NQO2: variants seen among roughly 807,000 people sequenced by gnomAD.
NQO2 encodes ribosyldihydronicotinamide dehydrogenase [quinone].
A neutral mutation model predicts 22.0 loss-of-function variants in NQO2; 18 were observed. The ratio of observed to expected loss-of-function variants is 0.82; its 90% CI spans 0.56 to 1.21. The LOEUF (loss-of-function observed/expected upper bound fraction) is 1.21, where lower values mean the gene tolerates loss of function less well. NQO2 is among the 50% of genes most tolerant of loss of function. The probability of loss-of-function intolerance (pLI) is 0.00; values close to 1 mark genes in which losing one functional copy is unlikely to be tolerated. For missense variants in NQO2, 267 were observed against 286.9 expected, an observed-to-expected ratio of 0.93 and a Z score of 0.50; for synonymous variants, 106 against 110.8, an observed-to-expected ratio of 0.96 and a Z score of 0.28.
intron 4 of NQO2, 111 bp downstream of exon 4, chr6:3,012,785 A>G: frequency 9.2e-7 from 1 of 1,092,352 alleles, no homozygotes; most frequent in Non-Finnish European, 1.3e-6. Flanking sequence ...TTTTGAGCAC[A>G]GTTGCACACT....
At chr6:3,016,715 T>C (rs1412328726) in intron 5 of NQO2, 169 bp from the exon 6 acceptor site, 1 of 979,328 alleles carries the variant, frequency 1.0e-6, no homozygotes, top group Non-Finnish European at 1.2e-6. Flanking sequence ...CCTCCTCCTC[T>C]TGGGATGTCA....
chr6:3,005,579 T>G, intron 1 of NQO2: 3 of 902,760 alleles, frequency 3.3e-6, no homozygotes, highest in Non-Finnish European at 4.0e-6. Context: ...CATTTTTGCA[T>G]TGAGTTGTTT....
At chr6:3,003,204 C>T (rs1203543149) in intron 1 of NQO2, among the ~76,000 whole-genome samples, 3 of 152,016 alleles carry the variant, frequency 2.0e-5, no homozygotes, top group Admixed American at 6.6e-5. Flanking sequence ...TTTCCAGACC[C>T]GCCATTTTGG....
intron 5 of NQO2, among the ~76,000 whole-genome samples, chr6:3,016,191 G>A (rs1235964227): frequency 2.0e-5 from 3 of 152,178 alleles, no homozygotes; most frequent in African/African-American, 7.2e-5. Flanking sequence ...AGCAATTTGG[G>A]AGGCCGAGGA....
In NQO2 at chr6:3,014,406, C is replaced by A. The variant is rs551931621; in HGVS notation, c.304-1124C>A. On this transcript the variant is annotated intron_variant, in intron 4 of 6. Transcript: ENST00000380455. ...CCGTCTTAATACCATGCCAGTATGA[C>A]GGGCCTGTATCCTGGGGTGCGTGGT... Among the ~76,000 whole-genome samples, 5 of 152,278 alleles carry A rather than the reference C, an allele frequency of 3.3e-5. No individual in the cohort carries two copies. In the East Asian group the frequency reaches 7.7e-4, roughly 24 times the overall value.
chr6:3,012,858 A>G (rs528806404), intron 4 of NQO2, among the ~76,000 whole-genome samples, 184 bp downstream of exon 4: 1 of 149,804 alleles, frequency 6.7e-6, no homozygotes, highest in African/African-American at 2.5e-5. Flanking sequence ...TAGTTACACC[A>G]CTTCACCTAG....
At chr6:3,008,346 G>T (rs1236329735) in intron 2 of NQO2, among the ~76,000 whole-genome samples, 6 of 151,806 alleles carry the variant, frequency 4.0e-5, no homozygotes, top group African/African-American at 1.5e-4. Flanking sequence ...TTGAACCCGG[G>T]AGGCAGAGGT....
At chr6:3,008,326 G>A (rs1581324202) in intron 2 of NQO2, among the ~76,000 whole-genome samples, 1 of 152,020 alleles carries the variant, frequency 6.6e-6, no homozygotes, top group African/African-American at 2.4e-5. Context: ...GGCTGAGGTA[G>A]GAGAATTGCT....
At chr6:3,019,448 A>G (rs1581339785) in intron 6 of NQO2, 31 bp from the exon 7 acceptor site, 1 of 1,593,370 alleles carries the variant, frequency 6.3e-7, no homozygotes, top group African/African-American at 1.3e-5. Context: ...TGTAGTTTCT[A>G]ATGAGTTCTT....
intron 4 of NQO2, among the ~76,000 whole-genome samples, chr6:3,012,972 T>TTTTTTTTTTTTTTTTG: frequency 7.7e-6 from 1 of 129,390 alleles, no homozygotes; most frequent in African/African-American, 3.0e-5. Context: ...TTTTTTTTTT[T>TTTTTTTTTTTTTTTTG]TGAGACGGAG....
intron 5 of NQO2, among the ~76,000 whole-genome samples, chr6:3,016,377 G>A (rs57050230): frequency 0.056 from 8,073 of 142,934 alleles, 342 homozygotes; most frequent in African/African-American, 0.12. Context: ...GTTGCAGTGA[G>A]CCAAAATCGC....
rs1010392123 is a variant in NQO2, at chr6:3,006,247, G to T, written c.-85-221G>T. The stretch of plus-strand genomic sequence containing the variant: ...TGCTGTATGACTGTCTGGATGGAAG[G>T]TTCAGAGTCCTCTCAAAAAAGGAAA... On this transcript the variant is annotated intron_variant, in intron 1 of 6. Transcript: ENST00000380455. The surrounding 1 kb of genome is among the most constrained non-coding windows in gnomAD (Gnocchi z 4.0). The T allele has an allele frequency of 1.3e-6, 1 of 796,018 alleles. No homozygotes were observed. The highest frequency in any genetic ancestry group is 1.9e-5 in the African/African-American group (1 of 53,370). The allele number at this position is 796,018 out of a possible 1,614,324, so 49.3% of individuals were successfully genotyped here. A position where few individuals can be genotyped will look rare whatever the true frequency, so the allele number is the denominator to read the frequency against.
Position 3,015,662 on chromosome 6 carries a change from G to C in NQO2, c.417+19G>C. On this transcript the variant is annotated intron_variant, in intron 5 of 6. Coordinates refer to ENST00000380455, the MANE Select transcript of NQO2 (RefSeq NM_000904.6). ...GCTCCAGGTATGTGCTCTTGGATAA[G>C]GATCACTATGGATAGTTGGAGGGAG... The C allele has an allele frequency of 6.2e-7, 1 of 1,608,764 alleles. No individual in the cohort carries two copies. Among genetic ancestry groups the C allele is most frequent in the Non-Finnish European group, 8.5e-7 (1 of 1,175,632 alleles).
intron 1 of NQO2, chr6:3,004,421 CTGT>C: frequency 1.0e-6 from 1 of 985,718 alleles, no homozygotes; most frequent in Non-Finnish European, 1.2e-6. Context: ...GTGCCCCACT[CTGT>C]TAAGTCCCAT....
intron 4 of NQO2, chr6:3,015,041 A>G (rs1164951135): frequency 1.6e-6 from 2 of 1,221,116 alleles, no homozygotes; most frequent in Non-Finnish European, 1.1e-6. Context: ...TAGGGCATCT[A>G]TGGGATAGGG....
At chr6:3,008,961 C>T (rs996317746) in intron 2 of NQO2, among the ~76,000 whole-genome samples, 11 of 141,064 alleles carry the variant, frequency 7.8e-5, no homozygotes, top group African/African-American at 2.2e-4. Flanking sequence ...GACCACGGGA[C>T]GGGGCGAAAT....
At chr6:3,012,757 C>T in intron 4 of NQO2, 83 bp downstream of exon 4, 1 of 1,403,046 alleles carries the variant, frequency 7.1e-7, no homozygotes, top group Non-Finnish European at 9.8e-7. Flanking sequence ...TGTGCTGCTT[C>T]TGGAAGTGGC....
intron 1 of NQO2, chr6:3,004,228 C>T (rs1756852397): frequency 1.7e-6 from 1 of 599,824 alleles, no homozygotes. Context: ...TAGTGCTTAC[C>T]TGTACACGTG....
At chr6:3,016,623 T>C (rs1389452406) in intron 5 of NQO2, 3 of 311,668 alleles carry the variant, frequency 9.6e-6, no homozygotes, top group African/African-American at 6.8e-5. Context: ...TCACACATGG[T>C]GTCATGGAAA....
Sources: allele counts gnomAD v4.1 joint callset (sites outside exome capture counted in the v4.1 genomes callset), GRCh38; gene constraint gnomAD v4.1.1; non-coding constraint Gnocchi (gnomAD v3.1); transcripts MANE v1.5; gene names NCBI Gene and HGNC (gene_info 2026-07-23, HGNC 2026-07-21).